ZNF750: variants seen among roughly 807,000 people sequenced by gnomAD.
ZNF750 encodes zinc finger protein 750.
Under a neutral mutation model 31.6 loss-of-function variants are expected in ZNF750, and 10 were observed. That is an observed-to-expected ratio of 0.32 (90% CI 0.19 to 0.54). The LOEUF (loss-of-function observed/expected upper bound fraction) is 0.54, where lower values mean the gene tolerates loss of function less well. ZNF750 is among the 20% of genes least tolerant of loss of function. ZNF750 has a pLI of 0.95. For synonymous variants in ZNF750, 400 were observed against 404.9 expected (o/e 0.99, Z 0.15); for missense variants, 914 against 934.9 (o/e 0.98, Z 0.29).
In ZNF750 at chr17:82,831,915, C is replaced by G. The variant is rs772336681; in HGVS notation, c.540G>C (p.Glu180Asp). ...LKGPDNAEAPETLALHNPTAK... is the reference protein window; with the variant it reads ...LKGPDNAEAPDTLALHNPTAK... ...CAGTGGGGTTGTGTAAAGCCAGTGT[C>G]TCGGGCGCCTCGGCGTTGTCTGGCC... is the stretch of plus-strand genomic sequence containing the variant. The change falls in exon 2 of 3, where the codon GAG becomes GAC. Residue 180 changes from glutamate to aspartate, a missense_variant. Glu to Asp is a conservative substitution (Grantham distance 45). Transcript: ENST00000269394. The surrounding 1 kb of genome is among the most constrained non-coding windows in gnomAD (Gnocchi z 4.6). 2 of 1,614,200 alleles carry G rather than the reference C, an allele frequency of 1.2e-6. No individual in the cohort carries two copies. Among genetic ancestry groups the G allele is most frequent in the Non-Finnish European group, 1.7e-6 (2 of 1,180,046 alleles).
chr17:82,839,380 T>G lies in ZNF750; in HGVS notation c.-183+547A>C, dbSNP rs575339605. 3.6e-4 allele frequency among the ~76,000 whole-genome samples: 54 copies of G among 151,450 alleles called. No homozygotes were observed. In the South Asian group the frequency reaches 3.7e-3, roughly 11 times the overall value. ...ATATATAACCCTAAATTCAGCCTAA[T>G]GTACATACACCACACATATATATAA... On this transcript the variant is annotated intron_variant, in intron 1 of 2. Transcript: ENST00000269394.
At chr17:82,839,205 T>G (rs1464295834) in intron 1 of ZNF750, among the ~76,000 whole-genome samples, 1 of 152,236 alleles carries the variant, frequency 6.6e-6, no homozygotes. Flanking sequence ...CTGTCTAATG[T>G]GCATACACCA....
rs1241459519 is a variant in ZNF750 at position 82,832,781 on chromosome 17, G to A, written c.-182-145C>T. On this transcript the variant is annotated intron_variant, in intron 1 of 2. Transcript: ENST00000269394. This position sits in a 1 kb window ranked among gnomAD's most constrained non-coding sequence, Gnocchi z 4.9. The stretch of plus-strand genomic sequence containing the variant: ...CCTGCTCCTGAGGGGAGCAGCTGCC[G>A]GTCACAGAAGCAGCCCTGCCCTACC... 7.0e-6 allele frequency: 3 copies of A among 430,098 alleles called. No individual in the cohort carries two copies. Among genetic ancestry groups the A allele is most frequent in the African/African-American group, 4.0e-5 (2 of 50,054 alleles). The allele number at this position is 430,098 out of a possible 1,614,324, so 26.6% of individuals were successfully genotyped here. A position where few individuals can be genotyped will look rare whatever the true frequency, so the allele number is the denominator to read the frequency against.
At position 82,831,876 on chromosome 17, in the gene ZNF750, A is replaced by AGTG; in HGVS notation, c.578_579insCAC (p.Ser193_Phe194insThr). On this transcript the variant is annotated inframe_insertion, in exon 2 of 3. Coordinates refer to ENST00000269394, the MANE Select transcript of ZNF750 (RefSeq NM_024702.3). This position sits in a 1 kb window ranked among gnomAD's most constrained non-coding sequence, Gnocchi z 4.6. ...TGTGGAAGGCCGACTTGGTGTGGAA[A>AGTG]GACACGGCCTTGGCAGTGGGGTTGT... is the stretch of plus-strand genomic sequence containing the variant. The AGTG allele has an allele frequency of 6.2e-7, 1 of 1,614,184 alleles. No homozygotes were observed. Among genetic ancestry groups the AGTG allele is most frequent in the Non-Finnish European group, 8.5e-7 (1 of 1,180,014 alleles).
rs779801257 is a variant in ZNF750, at chr17:82,831,514, T to A, written c.941A>T (p.Asn314Ile). 2 of 1,613,436 alleles carry A rather than the reference T, an allele frequency of 1.2e-6. No homozygotes were observed. The highest frequency in any genetic ancestry group is 3.3e-5 in the Admixed American group (2 of 59,984). ...HYRFFQQYPS[N>I]LPIPYGFYRP... Reference sequence around the variant, plus strand: ...GTAAAATCCGTAAGGAATCGGCAGGTTAGAGGGATATTGCTGGAAAAACCT... The same window carrying A: ...GTAAAATCCGTAAGGAATCGGCAGGATAGAGGGATATTGCTGGAAAAACCT... Residue 314 changes from asparagine to isoleucine, a missense_variant, in exon 2 of 3, where the codon AAC (asparagine) becomes ATC (isoleucine). This residue lies in a region of ZNF750 where 880 missense variants were observed against 868.9 expected (regional missense o/e 1.01). Transcript: ENST00000269394. The surrounding 1 kb of genome is among the most constrained non-coding windows in gnomAD (Gnocchi z 4.6).
In ZNF750 at chr17:82,830,828, G is replaced by C. The variant is rs2053434945; in HGVS notation, c.1486C>G (p.Leu496Val). 6.2e-7 allele frequency: 1 copy of C among 1,613,368 alleles called. No homozygotes were observed. The highest frequency in any genetic ancestry group is 8.5e-7 in the Non-Finnish European group (1 of 1,180,044). Residue 496 changes from leucine to valine, a missense_variant, in exon 3 of 3, where the codon CTC becomes GTC. This residue lies in a region of ZNF750 where 880 missense variants were observed against 868.9 expected (regional missense o/e 1.01). Transcript: ENST00000269394. ...DPPAPTGSAS[L>V]VSEAAPSSPD... is the part of the protein sequence containing the mutation. ...CTGGAAGGCGCGGCCTCCGAGACGA[G>C]AGAGGCGCTTCCGGTCGGAGCAGGA...
In ZNF750 at chr17:82,830,739, T is replaced by C; in HGVS notation, c.1575A>G (p.Ala525=). The change falls in exon 3 of 3, where the codon GCA becomes GCG. Residue 525 remains alanine (A), a synonymous_variant. Coordinates refer to ENST00000269394, the MANE Select transcript of ZNF750 (RefSeq NM_024702.3). ...NLSKKSEINL[A]ATHEPTYQGS... is the part of the protein sequence containing the mutation. ...CTTGGTACGTGGGTTCGTGGGTGGC[T>C]GCCAGGTTTATCTCTGATTTCTTGG... 6.2e-7 allele frequency: 1 copy of C among 1,613,998 alleles called. No homozygotes were observed. The highest frequency in any genetic ancestry group is 8.5e-7 in the Non-Finnish European group (1 of 1,180,026).
In ZNF750 at chr17:82,831,025, G is replaced by A; in HGVS notation, c.1430C>T (p.Pro477Leu). 6.2e-7 allele frequency: 1 copy of A among 1,614,104 alleles called. No homozygotes were observed. Among genetic ancestry groups the A allele is most frequent in the East Asian group, 2.2e-5 (1 of 44,880 alleles). The part of the protein sequence containing the change: ...AQAAETTAES[P>L]VSLNVVNGDP... ...GAAAATGACATTTTCTTACCTTACT[G>A]GAGACTCTGCTGTGGTCTCAGCAGC... is the stretch of plus-strand genomic sequence containing the variant. The change falls in exon 2 of 3, where the codon CCA (proline) becomes CTA (leucine). Residue 477 changes from proline to leucine, a missense_variant. By Grantham distance (98) the Pro-to-Leu change is moderately conservative. Transcript: ENST00000269394. The surrounding 1 kb of genome is among the most constrained non-coding windows in gnomAD (Gnocchi z 4.6).
chr17:82,830,052 T>C lies in ZNF750; in HGVS notation c.*90A>G. On this transcript the variant is annotated 3_prime_UTR_variant, in exon 3 of 3. Transcript: ENST00000269394. ...AGCAGCAGCTGCATTTGTAAAAATG[T>C]GAAAGTGCCAGTTCAGAGGTGTTGT... 7 of 1,570,818 alleles carry C rather than the reference T, an allele frequency of 4.5e-6. 1 individual carries two copies. In the South Asian group the frequency reaches 7.9e-5, roughly 18 times the overall value.
intron 1 of ZNF750, among the ~76,000 whole-genome samples, chr17:82,836,906 G>C (rs899034146): frequency 1.3e-5 from 2 of 152,168 alleles, no homozygotes; most frequent in South Asian, 2.1e-4. Context: ...GTTAGTTCAC[G>C]TAAGCGGGTG....
intron 1 of ZNF750, among the ~76,000 whole-genome samples, chr17:82,837,634 G>A (rs796440527): frequency 1.3e-5 from 2 of 152,084 alleles, no homozygotes; most frequent in South Asian, 4.2e-4. Flanking sequence ...TGAAGACCTC[G>A]GTGTGATCCT....
In ZNF750 at chr17:82,831,540, G is replaced by A; in HGVS notation, c.915C>T (p.Tyr305=). Residue 305 remains tyrosine (Y), a synonymous_variant, in exon 2 of 3, where the codon TAC becomes TAT. Transcript: ENST00000269394. The surrounding 1 kb of genome is among the most constrained non-coding windows in gnomAD (Gnocchi z 4.6). The part of the protein sequence containing the change: ...LAPSPATYDH[Y]RFFQQYPSNL... ...TAGAGGGATATTGCTGGAAAAACCT[G>A]TAGTGATCGTATGTGGCTGGAGATG... 1.2e-6 allele frequency: 2 copies of A among 1,614,186 alleles called. No homozygotes were observed. Among genetic ancestry groups the A allele is most frequent in the African/African-American group, 1.3e-5 (1 of 75,048 alleles).
rs9908751 is a variant in ZNF750 at position 82,833,954 on chromosome 17, C to T, written c.-182-1318G>A. ...AAGGCTGAGAACAAAGGCTGTTTTT[C>T]TTTTTTTGAGACAGAGTTTCTCCCT... On this transcript the variant is annotated intron_variant, in intron 1 of 2. Transcript: ENST00000269394. The surrounding 1 kb of genome is among the most constrained non-coding windows in gnomAD (Gnocchi z 4.7). 0.77 allele frequency among the ~76,000 whole-genome samples: 115,540 copies of T among 150,430 alleles called. 44,648 individuals carry two copies. Among genetic ancestry groups the T allele is most frequent in the South Asian group, 0.94 (4,519 of 4,784 alleles).
intron 1 of ZNF750, among the ~76,000 whole-genome samples, chr17:82,836,504 A>G (rs1296833549): frequency 6.6e-6 from 1 of 152,220 alleles, no homozygotes; most frequent in African/African-American, 2.4e-5. Context: ...GGAGCAGATG[A>G]TTCCCTCAGG....
Position 82,831,246 on chromosome 17 carries a change from G to A in ZNF750, c.1209C>T (p.Arg403=), listed in dbSNP as rs1051100039. The A allele has an allele frequency of 2.1e-5, 34 of 1,613,896 alleles. No homozygotes were observed. The highest frequency in any genetic ancestry group is 2.8e-5 in the Non-Finnish European group (33 of 1,180,036). Residue 403 remains arginine, a synonymous_variant, in exon 2 of 3, where the codon CGC becomes CGT. Coordinates refer to ENST00000269394, the MANE Select transcript of ZNF750 (RefSeq NM_024702.3). The surrounding 1 kb of genome is among the most constrained non-coding windows in gnomAD (Gnocchi z 4.6). ...GGGAGCCCGTGGCTGCACTCCCTGC[G>A]CGGGGGCTCATTTTGGACCCTTCCG... ...RDTEGSKMSP[R]AGSAATGSPG... is the part of the protein sequence containing the mutation.
Position 82,835,026 on chromosome 17 carries a change from G to T in ZNF750, c.-182-2390C>A, listed in dbSNP as rs1313764929. Reference sequence around the variant, plus strand: ...TGCAGGGAGCTGTCATCCCACCACCGCACTGCAGCCTGGTGGGCAACAGAA... The same window carrying T: ...TGCAGGGAGCTGTCATCCCACCACCTCACTGCAGCCTGGTGGGCAACAGAA... On this transcript the variant is annotated intron_variant, in intron 1 of 2. Transcript: ENST00000269394. This position sits in a 1 kb window ranked among gnomAD's most constrained non-coding sequence, Gnocchi z 4.5. 6.6e-6 allele frequency among the ~76,000 whole-genome samples: 1 copy of T among 152,082 alleles called. No individual in the cohort carries two copies. The highest frequency in any genetic ancestry group is 1.5e-5 in the Non-Finnish European group (1 of 68,024).
At chr17:82,834,786 A>G (rs751255876) in intron 1 of ZNF750, among the ~76,000 whole-genome samples, 1 of 152,132 alleles carries the variant, frequency 6.6e-6, no homozygotes, top group African/African-American at 2.4e-5. Context: ...TAAAACCTAG[A>G]TGATCGGTTG....
In ZNF750 at chr17:82,831,813, A is replaced by G. The variant is rs1167322517; in HGVS notation, c.642T>C (p.Leu214=). The G allele has an allele frequency of 1.2e-6, 2 of 1,614,130 alleles. No individual in the cohort carries two copies. The highest frequency in any genetic ancestry group is 1.7e-6 in the Non-Finnish European group (2 of 1,180,022). The change falls in exon 2 of 3, where the codon CTT becomes CTC. Residue 214 remains leucine, a synonymous_variant. Coordinates refer to ENST00000269394, the MANE Select transcript of ZNF750 (RefSeq NM_024702.3). This position sits in a 1 kb window ranked among gnomAD's most constrained non-coding sequence, Gnocchi z 4.6. ...GYPWKAGSPF[L]PPEFPHKISS... ...AGATTTTATGTGGAAACTCTGGTGG[A>G]AGGAAAGGTGAGCCGGCTTTCCAGG...
In ZNF750 at chr17:82,831,167, G is replaced by A. The variant is rs2053474730; in HGVS notation, c.1288C>T (p.Leu430=). ...FMQTSQTCEG[L]YDLSNKAASS... ...GCTGCCTTGTTGGAGAGGTCGTACA[G>A]GCCTTCGCAGGTCTGGCTCGTCTGC... Residue 430 remains leucine, a synonymous_variant, in exon 2 of 3, where the codon CTG becomes TTG. Coordinates refer to ENST00000269394, the MANE Select transcript of ZNF750 (RefSeq NM_024702.3). The surrounding 1 kb of genome is among the most constrained non-coding windows in gnomAD (Gnocchi z 4.6). 1 of 1,614,162 alleles carries A rather than the reference G, an allele frequency of 6.2e-7. No individual in the cohort carries two copies.
Sources: allele counts gnomAD v4.1 joint callset (sites outside exome capture counted in the v4.1 genomes callset), GRCh38; gene constraint gnomAD v4.1.1; regional missense constraint gnomAD v4.1.1; non-coding constraint Gnocchi (gnomAD v3.1); transcripts MANE v1.5; gene names NCBI Gene and HGNC (gene_info 2026-07-23, HGNC 2026-07-21).